HESX1: variants seen among roughly 807,000 people sequenced by gnomAD.
HESX1 encodes the protein HESX homeobox 1.
Under a neutral mutation model 22.5 loss-of-function variants are expected in HESX1, and 11 were observed. The observed-to-expected ratio is 0.49, with a 90% CI of 0.31 to 0.81. The LOEUF is 0.81. Ranked by LOEUF, HESX1 falls within the 30% of genes least tolerant of loss-of-function variation. The pLI, the probability that HESX1 is intolerant of heterozygous loss-of-function variation, is 0.05. For missense variants in HESX1, 201 were observed against 212.6 expected (o/e 0.95, Z 0.34); for synonymous variants, 74 against 76.5 (o/e 0.97, Z 0.17).
chr3:57,219,552 A>G lies in HESX1; in HGVS notation c.-111+6744T>C, dbSNP rs191982634. 2.0e-5 allele frequency among the ~76,000 whole-genome samples: 3 copies of G among 152,176 alleles called. No homozygotes were observed. The East Asian group carries it at 5.8e-4, about 29-fold the overall frequency. On this transcript the variant is annotated intron_variant, in intron 1 of 2. Coordinates refer to the HESX1 transcript ENST00000495160. ...CTGGCTAATTTTTTGTATTTTTAGT[A>G]GAGACGGGGTTTCACCGTGTCAGCC... is the stretch of plus-strand genomic sequence containing the variant.
chr3:57,227,591 T>A, upstream of HESX1: 2 of 287,168 alleles, frequency 7.0e-6, no homozygotes, highest in Non-Finnish European at 1.3e-5. Flanking sequence ...CTCCGCCGCT[T>A]CCGACGCCCG....
At chr3:57,218,605 G>A (rs2060597138) in intron 1 of HESX1, among the ~76,000 whole-genome samples, 1 of 151,982 alleles carries the variant, frequency 6.6e-6, no homozygotes, top group South Asian at 2.1e-4. Flanking sequence ...CACCACACCT[G>A]GCTAATTTTT....
intron 1 of HESX1, among the ~76,000 whole-genome samples, chr3:57,205,040 A>G (rs1477012787): frequency 1.3e-5 from 2 of 152,172 alleles, no homozygotes; most frequent in Non-Finnish European, 2.9e-5. Flanking sequence ...TGGACCCACC[A>G]TGGCTTTCTA....
intron 1 of HESX1, 105 bp from the exon 2 acceptor site, chr3:57,199,057 C>T: frequency 2.7e-6 from 3 of 1,091,270 alleles, no homozygotes; most frequent in Non-Finnish European, 4.1e-6. Flanking sequence ...TAGTGGAATT[C>T]TGGGGTTCAC....
intron 1 of HESX1, among the ~76,000 whole-genome samples, chr3:57,220,492 C>A (rs1236525546): frequency 1.3e-5 from 2 of 152,056 alleles, no homozygotes; most frequent in African/African-American, 4.8e-5. Context: ...TGCAGCGGTG[C>A]GATCTTGGCT....
chr3:57,207,828 C>T (rs1165506875), intron 1 of HESX1, among the ~76,000 whole-genome samples: 1 of 152,150 alleles, frequency 6.6e-6, no homozygotes, highest in Non-Finnish European at 1.5e-5. Flanking sequence ...TTGAAATATA[C>T]TCTGGATAAG....
chr3:57,211,252 G>T (rs1308299014), intron 1 of HESX1, among the ~76,000 whole-genome samples: 1 of 151,702 alleles, frequency 6.6e-6, no homozygotes, highest in Non-Finnish European at 1.5e-5. Flanking sequence ...TCTAGGCCAG[G>T]TGCCATAGCT....
At chr3:57,222,761 C>A (rs1289450932) in intron 1 of HESX1, among the ~76,000 whole-genome samples, 1 of 152,126 alleles carries the variant, frequency 6.6e-6, no homozygotes, top group Non-Finnish European at 1.5e-5. Flanking sequence ...TGTTTTGGTA[C>A]ACTTTTCCTC....
At chr3:57,198,718 T>A in intron 2 of HESX1, 35 bp downstream of exon 2, 1 of 1,597,328 alleles carries the variant, frequency 6.3e-7, no homozygotes, top group Non-Finnish European at 8.6e-7. Flanking sequence ...ATTAAAGCCT[T>A]TATATTATCA....
chr3:57,223,997 TTTTTG>T (rs2060628880), intron 1 of HESX1, among the ~76,000 whole-genome samples: 2 of 152,198 alleles, frequency 1.3e-5, no homozygotes, highest in Admixed American at 1.3e-4. Flanking sequence ...TTTTTGTTAA[TTTTTG>T]TTTTAATTTA....
intron 1 of HESX1, among the ~76,000 whole-genome samples, chr3:57,224,049 G>A (rs2060629183): frequency 6.6e-6 from 1 of 152,146 alleles, no homozygotes; most frequent in African/African-American, 2.4e-5. Context: ...TTGGAGTGCA[G>A]TGGTGTGATT....
chr3:57,224,016 T>C (rs2060628986), intron 1 of HESX1, among the ~76,000 whole-genome samples: 1 of 152,178 alleles, frequency 6.6e-6, no homozygotes, highest in African/African-American at 2.4e-5. Flanking sequence ...TAATTTAGAC[T>C]GAGTCTCGCT....
At chr3:57,202,064 G>A (rs556506264), upstream of HESX1, among the ~76,000 whole-genome samples, 203 of 151,660 alleles carry the variant, frequency 1.3e-3, 2 homozygotes, top group African/African-American at 4.6e-3. Context: ...GACTACAGGC[G>A]CCCGCCACCA....
chr3:57,211,504 T>C (rs2060553382), intron 1 of HESX1, among the ~76,000 whole-genome samples: 1 of 113,648 alleles, frequency 8.8e-6, no homozygotes. Flanking sequence ...CACTCCATTC[T>C]GGGTGACAGA....
chr3:57,206,587 A>C (rs896000831), intron 1 of HESX1, among the ~76,000 whole-genome samples: 4 of 152,232 alleles, frequency 2.6e-5, no homozygotes, highest in African/African-American at 9.6e-5. Flanking sequence ...GTAACCAAGC[A>C]CTGAAATCAG....
At chr3:57,201,586 T>C (rs923322006), upstream of HESX1, among the ~76,000 whole-genome samples, 23 of 149,808 alleles carry the variant, frequency 1.5e-4, no homozygotes, top group African/African-American at 5.7e-4. Flanking sequence ...ATAATAATTA[T>C]AGGTAAATTA....
chr3:57,202,251 G>C (rs964844656), upstream of HESX1, among the ~76,000 whole-genome samples: 16 of 152,098 alleles, frequency 1.1e-4, no homozygotes, highest in Non-Finnish European at 1.3e-4. Flanking sequence ...ATATGGATGA[G>C]TAGTTGAAAA....
chr3:57,199,867 T>C lies in HESX1; in HGVS notation c.52A>G (p.Thr18Ala). 6.8e-6 allele frequency: 11 copies of C among 1,614,070 alleles called. No individual in the cohort carries two copies. The highest frequency in any genetic ancestry group is 2.2e-5 in the South Asian group (2 of 91,078). ...GAQLGENKPS[T>A]CSFSIERILG... ...ATTCTCTCAATTGAAAAGGAGCAAG[T>C]TGAGGGTTTGTTTTCCCCGAGCTGA... The change falls in exon 1 of 4, where the codon ACT (threonine) becomes GCT (alanine). Residue 18 changes from threonine (T) to alanine (A), a missense_variant. Physicochemically the swap from Thr to Ala is moderately conservative, Grantham distance 58. Coordinates refer to ENST00000295934, the MANE Select transcript of HESX1 (RefSeq NM_003865.3).
At chr3:57,199,241 C>A (rs2060467876) in intron 1 of HESX1, among the ~76,000 whole-genome samples, 1 of 152,104 alleles carries the variant, frequency 6.6e-6, no homozygotes, top group South Asian at 2.1e-4. Flanking sequence ...CTTGGGATTT[C>A]CTGTGAGTGA....
Sources: gnomAD v4.1 joint callset for allele counts (sites outside exome capture counted in the v4.1 genomes callset) on GRCh38, gnomAD v4.1.1 for gene constraint, MANE v1.5 for transcripts, NCBI Gene and HGNC (gene_info 2026-07-23, HGNC 2026-07-21) for gene names.